The following ZNG1A variants were observed in gnomAD, a reference collection of about 807,000 sequenced individuals.
ZNG1A encodes Zn regulated GTPase metalloprotein activator 1A.
chr9:138,420 C>A, the ZNG1A span, among the ~76,000 whole-genome samples: 1 of 121,002 alleles, frequency 8.3e-6, no homozygotes. Context: ...AAACTACATG[C>A]AAATTTAATT....
chr9:155,179 T>C, the ZNG1A span, among the ~76,000 whole-genome samples: 1 of 151,328 alleles, frequency 6.6e-6, no homozygotes, highest in African/African-American at 2.4e-5. Context: ...ATATCCAATA[T>C]GGTAAAAAGA....
chr9:139,837 T>C, the ZNG1A span, among the ~76,000 whole-genome samples: 15 of 150,974 alleles, frequency 9.9e-5, no homozygotes, highest in African/African-American at 3.5e-4. Flanking sequence ...GGGCGAGGCA[T>C]TGCCTCACTT....
chr9:163,959 A>T, the ZNG1A span: 1 of 1,583,796 alleles, frequency 6.3e-7, no homozygotes, highest in East Asian at 2.2e-5. Flanking sequence ...AGATAAAAGA[A>T]AACTGTTTTT....
chr9:163,831 C>G, the ZNG1A span: 4 of 1,103,598 alleles, frequency 3.6e-6, no homozygotes, highest in Non-Finnish European at 5.2e-6. Context: ...GCAAGAGAAT[C>G]ACTTGAACCC....
At chr9:177,652 C>T in the ZNG1A span, 1 of 1,407,484 alleles carries the variant, frequency 7.1e-7, no homozygotes, top group Non-Finnish European at 9.7e-7. Context: ...CTAGATTCAG[C>T]AACAAGGTTG....
At chr9:121,535 T>G in the ZNG1A span, 2 of 1,611,008 alleles carry the variant, frequency 1.2e-6, no homozygotes, top group Admixed American at 3.3e-5. Context: ...ACAGTAGCTA[T>G]AAACAGCTGT....
At chr9:165,036 G>C in the ZNG1A span, among the ~76,000 whole-genome samples, 4 of 152,156 alleles carry the variant, frequency 2.6e-5, no homozygotes, top group African/African-American at 4.8e-5. Flanking sequence ...GGATTTGTGA[G>C]TAACAGGGGC....
At chr9:156,599 A>T in the ZNG1A span, 12 of 1,437,754 alleles carry the variant, frequency 8.3e-6, no homozygotes, top group Non-Finnish European at 1.1e-5. Flanking sequence ...AAAGGATTTT[A>T]CTTTAGAGAC....
the ZNG1A span, among the ~76,000 whole-genome samples, chr9:159,466 G>C: frequency 0.025 from 3,748 of 152,190 alleles, 100 homozygotes; most frequent in African/African-American, 0.087. Context: ...AGCAATGTGA[G>C]GTGATGGATA....
chr9:154,933 T>G, the ZNG1A span: 178,978 of 865,432 alleles, frequency 0.21, 20,062 homozygotes, highest in East Asian at 0.39. Flanking sequence ...AGTTAAGAAT[T>G]ATCTAGTGCT....
chr9:158,774 T>C, the ZNG1A span, among the ~76,000 whole-genome samples: 1 of 151,604 alleles, frequency 6.6e-6, no homozygotes, highest in South Asian at 2.1e-4. Context: ...TTATATGTAA[T>C]CATATACCAT....
chr9:139,372 A>G, the ZNG1A span, among the ~76,000 whole-genome samples: 1 of 149,232 alleles, frequency 6.7e-6, no homozygotes, highest in Admixed American at 6.6e-5. Context: ...AGACAGGGAA[A>G]TGGGAAGCTG....
At chr9:142,173 A>T in the ZNG1A span, among the ~76,000 whole-genome samples, 1 of 148,710 alleles carries the variant, frequency 6.7e-6, no homozygotes, top group Admixed American at 6.7e-5. Context: ...AATTGAACTC[A>T]GCTCTGCACC....
the ZNG1A span, among the ~76,000 whole-genome samples, chr9:129,602 T>C: frequency 2.0e-5 from 3 of 149,626 alleles, no homozygotes; most frequent in African/African-American, 7.5e-5. Flanking sequence ...TAATATCAGG[T>C]GTCTAAAACA....
the ZNG1A span, among the ~76,000 whole-genome samples, chr9:174,435 A>G: frequency 2.0e-5 from 3 of 152,082 alleles, no homozygotes; most frequent in African/African-American, 7.2e-5. Flanking sequence ...TGGACTATAT[A>G]CAGAACATTA....
chr9:177,870 A>T, the ZNG1A span: 4 of 1,435,636 alleles, frequency 2.8e-6, no homozygotes, highest in African/African-American at 5.9e-5. Context: ...ACTTCCGAGC[A>T]AAAAACGGGA....
the ZNG1A span, among the ~76,000 whole-genome samples, chr9:139,951 C>T: frequency 4.6e-5 from 7 of 150,538 alleles, no homozygotes; most frequent in African/African-American, 1.5e-4. Flanking sequence ...TGCGCTTTTC[C>T]GATGGGCTTA....
chr9:177,575 G>A, the ZNG1A span: 1 of 1,429,828 alleles, frequency 7.0e-7, no homozygotes, highest in Admixed American at 2.2e-5. Flanking sequence ...GAAGAAAAAT[G>A]TAGTAGAAGC....
At chr9:159,495 T>C in the ZNG1A span, among the ~76,000 whole-genome samples, 1 of 152,220 alleles carries the variant, frequency 6.6e-6, no homozygotes, top group Non-Finnish European at 1.5e-5. Flanking sequence ...AGCTCGATTG[T>C]TTTATAATGT....
Sources: gnomAD v4.1 joint callset for allele counts (sites outside exome capture counted in the v4.1 genomes callset) on GRCh38, gnomAD v4.1.1 for gene constraint, MANE v1.5 for transcripts, NCBI Gene and HGNC (gene_info 2026-07-23, HGNC 2026-07-21) for gene names.